Variants in ADAR observed in about 807,000 individuals in gnomAD.
ADAR encodes adenosine deaminase RNA specific, also known as double-stranded RNA-specific adenosine deaminase.
In ADAR, 41 loss-of-function variants were observed where a neutral mutation model predicts 113.2. The observed-to-expected ratio is 0.36, with a 90% CI of 0.28 to 0.47. ADAR has a LOEUF of 0.47. Among genes scored for constraint, ADAR ranks in the 20% least tolerant of loss-of-function variants. The pLI, the probability that ADAR is intolerant of heterozygous loss-of-function variation, is 1.00. For synonymous variants in ADAR, 605 were observed against 572.6 expected (o/e 1.06, Z -0.81); for missense variants, 1,242 against 1,540.9 (o/e 0.81, Z 3.25).
intron 6 of ADAR, 52 bp from the exon 7 acceptor site, chr1:154,590,461 T>C: frequency 1.3e-6 from 2 of 1,564,024 alleles, no homozygotes. Context: ...CTGACATTGT[T>C]CCAAGGAAGG....
At chr1:154,622,455 A>G (rs772011333) in intron 1 of ADAR, among the ~76,000 whole-genome samples, 2 of 152,224 alleles carry the variant, frequency 1.3e-5, no homozygotes, top group Non-Finnish European at 2.9e-5. Context: ...GTGAGTTGCT[A>G]TTTATAAAGG....
intron 1 of ADAR, among the ~76,000 whole-genome samples, chr1:154,614,414 T>G (rs1309680894): frequency 6.6e-6 from 1 of 152,138 alleles, no homozygotes; most frequent in African/African-American, 2.4e-5. Context: ...TTCCCTAGGA[T>G]CCAGATCCAG....
intron 1 of ADAR, among the ~76,000 whole-genome samples, chr1:154,613,904 CA>C (rs1553216901): frequency 9.0e-4 from 112 of 124,208 alleles, no homozygotes; most frequent in Middle Eastern, 4.2e-3. Context: ...AACTCCATCT[CA>C]AAAAAAAAAA....
intron 1 of ADAR, among the ~76,000 whole-genome samples, chr1:154,603,214 C>G (rs1234570834): frequency 1.3e-5 from 2 of 152,146 alleles, no homozygotes; most frequent in Non-Finnish European, 2.9e-5. Flanking sequence ...AACTGAACCC[C>G]AGTCCTCCAA....
At chr1:154,615,076 G>A (rs985723316) in intron 1 of ADAR, among the ~76,000 whole-genome samples, 4 of 152,256 alleles carry the variant, frequency 2.6e-5, no homozygotes, top group Non-Finnish European at 5.9e-5. Context: ...GAGGTTGGGA[G>A]AGGCAAGGAA....
At chr1:154,586,821 C>T (rs559721891) in intron 11 of ADAR, among the ~76,000 whole-genome samples, 1 of 152,256 alleles carries the variant, frequency 6.6e-6, no homozygotes, top group South Asian at 2.1e-4. Context: ...ATTGGCTGTT[C>T]AGGCGCCTGA....
chr1:154,613,366 C>T (rs1698545688), intron 1 of ADAR, among the ~76,000 whole-genome samples: 1 of 144,910 alleles, frequency 6.9e-6, no homozygotes, highest in Non-Finnish European at 1.5e-5. Context: ...CTCACTGCAA[C>T]CTCCACCTCC....
At chr1:154,589,229 G>C in intron 9 of ADAR, 140 bp downstream of exon 9, 1 of 731,726 alleles carries the variant, frequency 1.4e-6, no homozygotes, top group South Asian at 1.4e-5. Context: ...AAATGGACGG[G>C]TGAAAAGCAA....
intron 6 of ADAR, among the ~76,000 whole-genome samples, chr1:154,595,150 A>C (rs958599493): frequency 1.1e-4 from 17 of 152,252 alleles, no homozygotes; most frequent in African/African-American, 4.1e-4. Flanking sequence ...CTGTGGGATC[A>C]GCAGCAGCAT....
intron 2 of ADAR, chr1:154,600,030 T>TG (rs1251759853): frequency 1.3e-5 from 2 of 152,366 alleles, no homozygotes; most frequent in African/African-American, 4.8e-5. Context: ...CCAACCCACC[T>TG]GCTCCTGCAC....
chr1:154,599,200 G>C (rs993544884), intron 2 of ADAR, among the ~76,000 whole-genome samples: 1 of 152,132 alleles, frequency 6.6e-6, no homozygotes, highest in South Asian at 2.1e-4. Flanking sequence ...AAATAAAAAA[G>C]CATTTGTTCT....
upstream of ADAR, chr1:154,608,244 G>A (rs780916799): frequency 4.9e-5 from 26 of 529,088 alleles, no homozygotes; most frequent in Non-Finnish European, 8.2e-5. Context: ...GCCAAGAGGA[G>A]GGGCTTGAGC....
chr1:154,598,685 G>A, intron 2 of ADAR, 100 bp from the exon 3 acceptor site: 3 of 1,193,416 alleles, frequency 2.5e-6, no homozygotes, highest in South Asian at 1.2e-5. Flanking sequence ...TACGCTAAGG[G>A]GCTTTTCACT....
intron 1 of ADAR, 91 bp from the exon 2 acceptor site, chr1:154,602,717 C>G (rs977190162): frequency 6.6e-7 from 1 of 1,507,326 alleles, no homozygotes; most frequent in Non-Finnish European, 9.0e-7. Context: ...GTGGAACAGC[C>G]CTTGAAGGGC....
At chr1:154,626,911 C>T (rs1258161983) in intron 1 of ADAR, among the ~76,000 whole-genome samples, 1 of 152,348 alleles carries the variant, frequency 6.6e-6, no homozygotes, top group Admixed American at 6.5e-5. Flanking sequence ...CAAGGCTTCT[C>T]TGGTGGAGAA....
chr1:154,607,743 ACACACACACT>A (rs1698293699), intron 1 of ADAR, among the ~76,000 whole-genome samples: 1 of 135,588 alleles, frequency 7.4e-6, no homozygotes, highest in Non-Finnish European at 1.6e-5. Flanking sequence ...GCACACACAC[ACACACACACT>A]CTCACAAGAC....
Position 154,585,315 on chromosome 1 carries a change from T to G in ADAR, c.3345A>C (p.Lys1115Asn). ...KVGRVSIYDS[K>N]RQSGKTKETS... is the part of the protein sequence containing the mutation. The stretch of plus-strand genomic sequence containing the variant: ...TCTCCTTAGTCTTCCCGGATTGCCT[T>G]TTGGAATCATATATGCTGACTCTGC... The change falls in exon 14 of 15, where the codon AAA becomes AAC. Residue 1115 changes from lysine to asparagine, a missense_variant. By Grantham distance (94) the Lys-to-Asn change is moderately conservative (BLOSUM62 0). Around this residue, in one of 2 missense-constraint regions of ADAR, gnomAD observed 780 missense variants for 1,057.9 expected, o/e 0.74. Transcript: ENST00000368474. 1 of 1,614,134 alleles carries G rather than the reference T, an allele frequency of 6.2e-7. No individual in the cohort carries two copies. The highest frequency in any genetic ancestry group is 2.2e-5 in the East Asian group (1 of 44,876).
In ADAR at chr1:154,586,319, A is replaced by G; in HGVS notation, c.3064T>C (p.Trp1022Arg). The G allele has an allele frequency of 1.2e-6, 2 of 1,614,190 alleles. No individual in the cohort carries two copies. Among genetic ancestry groups the G allele is most frequent in the Non-Finnish European group, 1.7e-6 (2 of 1,180,032 alleles). ...PVESSDIVPT[W>R]DGIRLGERLR... is the part of the protein sequence containing the mutation. ...CTCTCCCCGAGCCGAATGCCATCCC[A>G]CGTAGGCACAATGTCACTGGATTCC... The change falls in exon 12 of 15, where the codon TGG (tryptophan) becomes CGG (arginine). Residue 1022 changes from tryptophan to arginine, a missense_variant. Coordinates refer to ENST00000368474, the MANE Select transcript of ADAR (RefSeq NM_001111.5).
chr1:154,614,284 T>C (rs1698573920), intron 1 of ADAR, among the ~76,000 whole-genome samples: 1 of 152,232 alleles, frequency 6.6e-6, no homozygotes, highest in Non-Finnish European at 1.5e-5. Flanking sequence ...TAGATTGTTC[T>C]TGGATGCAGC....
Sources: allele counts gnomAD v4.1 joint callset (sites outside exome capture counted in the v4.1 genomes callset), GRCh38; gene constraint gnomAD v4.1.1; regional missense constraint gnomAD v4.1.1; transcripts MANE v1.5; gene names NCBI Gene and HGNC (gene_info 2026-07-23, HGNC 2026-07-21).